Variants in NTN4 observed in about 807,000 individuals in gnomAD.
The protein encoded by NTN4 is netrin-4.
In NTN4, 32 loss-of-function variants were observed where a neutral mutation model predicts 73.6. The observed-to-expected ratio is 0.44, with a 90% CI of 0.33 to 0.58. NTN4 has a LOEUF of 0.58. Among genes scored for constraint, NTN4 ranks in the 20% least tolerant of loss-of-function variants. The probability of loss-of-function intolerance (pLI) is 0.04; values close to 1 mark genes in which losing one functional copy is unlikely to be tolerated. For missense variants in NTN4, 654 were observed against 798.3 expected (o/e 0.82, Z 2.18); for synonymous variants, 258 against 287.5 (o/e 0.90, Z 1.04).
rs747697689 is a variant in NTN4, at chr12:95,659,256, T to G, written c.1751-34A>C. 1.9e-6 allele frequency: 3 copies of G among 1,544,748 alleles called. No individual in the cohort carries two copies. In the Admixed American group the frequency reaches 6.0e-5, roughly 31 times the overall value. On this transcript the variant is annotated intron_variant, in intron 9 of 9. Transcript: ENST00000343702. ...GAACAAAATTAGGGGCTATACAGTA[T>G]CATACTTTGTTGAAGGGAGAGATGT...
intron 2 of NTN4, among the ~76,000 whole-genome samples, chr12:95,771,180 G>A (rs981925366): frequency 6.6e-6 from 1 of 151,856 alleles, no homozygotes; most frequent in Non-Finnish European, 1.5e-5. Context: ...TAGTAGAGAC[G>A]GGGTTTCACC....
At chr12:95,722,708 C>T (rs770833051) in intron 3 of NTN4, among the ~76,000 whole-genome samples, 12 of 152,108 alleles carry the variant, frequency 7.9e-5, no homozygotes, top group Non-Finnish European at 4.4e-5. Context: ...GGTGCTGTGG[C>T]TCATGCCTGT....
chr12:95,659,198 T>C lies in NTN4; in HGVS notation c.1775A>G (p.His592Arg), dbSNP rs2078116655. Residue 592 changes from histidine to arginine, a missense_variant, in exon 10 of 10, where the codon CAT becomes CGT. Coordinates refer to ENST00000343702, the MANE Select transcript of NTN4 (RefSeq NM_021229.4). ...NPGLEYLVAGHEDIRTGKLIV... is the reference protein window; with the variant it reads ...NPGLEYLVAGREDIRTGKLIV... ...TAGTTTGCCTGTTCTTATATCCTCA[T>C]GTCCTGCTACAAGGTATTCCAAACC... The C allele has an allele frequency of 6.2e-7, 1 of 1,613,636 alleles. No homozygotes were observed. The highest frequency in any genetic ancestry group is 2.2e-5 in the East Asian group (1 of 44,870).
At chr12:95,772,289 T>C (rs1263757999) in intron 2 of NTN4, among the ~76,000 whole-genome samples, 6 of 152,094 alleles carry the variant, frequency 3.9e-5, no homozygotes, top group South Asian at 2.1e-4. Context: ...ATCCACCCAC[T>C]TCAGCCTCCC....
At chr12:95,772,187 G>A (rs1369217401) in intron 2 of NTN4, among the ~76,000 whole-genome samples, 1 of 152,014 alleles carries the variant, frequency 6.6e-6, no homozygotes, top group Non-Finnish European at 1.5e-5. Context: ...CTACAGGTGT[G>A]TGCCACCACA....
At position 95,672,167 on chromosome 12, in the gene NTN4, T is replaced by G. The variant is rs1219907378; in HGVS notation, c.1511-2021A>C. The G allele has an allele frequency of 6.4e-6, 3 of 466,454 alleles. No individual in the cohort carries two copies. The Admixed American group carries it at 1.1e-4, about 17-fold the overall frequency. 28.9% of individuals were successfully genotyped at this position (466,454 alleles called of 1,614,324 possible). ...AAGACATTGTCTCTACAAAAAAGATTAAAAATTGTCGAGCACGCAGGCGCA... is the reference window on the plus strand; with the variant it reads ...AAGACATTGTCTCTACAAAAAAGATGAAAAATTGTCGAGCACGCAGGCGCA... On this transcript the variant is annotated intron_variant, in intron 7 of 9. Transcript: ENST00000343702.
intron 2 of NTN4, among the ~76,000 whole-genome samples, chr12:95,777,545 C>A (rs990992086): frequency 3.3e-5 from 5 of 151,990 alleles, no homozygotes; most frequent in Admixed American, 1.3e-4. Flanking sequence ...AAACCAACAA[C>A]GATCAAAAGA....
chr12:95,695,776 C>T (rs930622998), intron 5 of NTN4, among the ~76,000 whole-genome samples: 1 of 152,132 alleles, frequency 6.6e-6, no homozygotes, highest in Non-Finnish European at 1.5e-5. Context: ...CTGGGTATAT[C>T]TAAGAGATCT....
At chr12:95,701,717 T>C (rs757387598) in intron 5 of NTN4, among the ~76,000 whole-genome samples, 28 of 152,196 alleles carry the variant, frequency 1.8e-4, no homozygotes, top group Non-Finnish European at 3.8e-4. Context: ...CATAAAACCA[T>C]AGCATTTAGC....
At chr12:95,782,376 A>G (rs1592720706) in intron 2 of NTN4, among the ~76,000 whole-genome samples, 1 of 151,432 alleles carries the variant, frequency 6.6e-6, no homozygotes, top group African/African-American at 2.4e-5. Context: ...GGTCACTGCA[A>G]CCTCCGCCTC....
chr12:95,776,094 G>A (rs1431860330), intron 2 of NTN4, among the ~76,000 whole-genome samples: 1 of 152,202 alleles, frequency 6.6e-6, no homozygotes, highest in Non-Finnish European at 1.5e-5. Flanking sequence ...ACCTGCAGCT[G>A]AGGGTCCTGA....
At chr12:95,669,633 G>A (rs1305082047) in intron 8 of NTN4, among the ~76,000 whole-genome samples, 6 of 152,202 alleles carry the variant, frequency 3.9e-5, no homozygotes, top group African/African-American at 1.2e-4. Flanking sequence ...ACTCACATAG[G>A]TCTGAGTCCA....
chr12:95,778,475 G>T (rs2079109859), intron 2 of NTN4, among the ~76,000 whole-genome samples: 1 of 151,946 alleles, frequency 6.6e-6, no homozygotes, highest in Non-Finnish European at 1.5e-5. Flanking sequence ...AATGATAAAG[G>T]GGATATCACC....
At chr12:95,672,310 C>T (rs890246125) in intron 7 of NTN4, 23 of 778,382 alleles carry the variant, frequency 3.0e-5, no homozygotes, top group South Asian at 4.0e-5. Flanking sequence ...CCGCCATGGC[C>T]GCCTACAAAC....
At chr12:95,672,625 T>C (rs2078241927) in intron 7 of NTN4, 2 of 1,523,150 alleles carry the variant, frequency 1.3e-6, no homozygotes, top group Admixed American at 1.7e-5. Flanking sequence ...CTGCAAAGCA[T>C]GGTGAGGCCC....
chr12:95,702,726 A>G (rs981949386), intron 5 of NTN4, among the ~76,000 whole-genome samples: 2 of 152,140 alleles, frequency 1.3e-5, no homozygotes, highest in African/African-American at 4.8e-5. Context: ...TCTGATTTTC[A>G]CAGACTTAAT....
intron 2 of NTN4, among the ~76,000 whole-genome samples, chr12:95,744,833 CTTTT>C (rs59086846): frequency 8.5e-5 from 10 of 118,254 alleles, no homozygotes; most frequent in Non-Finnish European, 1.1e-4. Context: ...TGGTGAAAAA[CTTTT>C]TTTTTTTTTT....
intron 5 of NTN4, among the ~76,000 whole-genome samples, chr12:95,687,396 GTTTT>G (rs879823211): frequency 1.1e-4 from 15 of 136,798 alleles, no homozygotes; most frequent in African/African-American, 2.4e-4. Flanking sequence ...TTTTTTTTTT[GTTTT>G]TTTGTTTTTT....
chr12:95,697,800 T>G (rs959943989), intron 5 of NTN4, among the ~76,000 whole-genome samples: 1 of 152,162 alleles, frequency 6.6e-6, no homozygotes, highest in African/African-American at 2.4e-5. Context: ...GTAGTCAGAC[T>G]AACCTGGGTT....
Sources: allele counts gnomAD v4.1 joint callset (sites outside exome capture counted in the v4.1 genomes callset), GRCh38; gene constraint gnomAD v4.1.1; transcripts MANE v1.5; gene names NCBI Gene and HGNC (gene_info 2026-07-23, HGNC 2026-07-21).